CTIF: variants seen among roughly 807,000 people sequenced by gnomAD.
CTIF encodes the protein cap binding complex dependent translation initiation factor.
In CTIF, 21 loss-of-function variants were observed where a neutral mutation model predicts 66.0. The observed-to-expected ratio is 0.32, with a 90% CI of 0.23 to 0.46. The LOEUF (loss-of-function observed/expected upper bound fraction) is 0.46, where lower values mean the gene tolerates loss of function less well. Ranked by LOEUF, CTIF falls within the 20% of genes least tolerant of loss-of-function variation. The pLI is 1.00. For synonymous variants in CTIF, 345 were observed against 326.4 expected (o/e 1.06, Z -0.62); for missense variants, 739 against 812.7 (o/e 0.91, Z 1.10).
chr18:48,686,733 C>G (rs868116085), intron 6 of CTIF, among the ~76,000 whole-genome samples: 4 of 152,154 alleles, frequency 2.6e-5, no homozygotes, highest in Non-Finnish European at 5.9e-5. Flanking sequence ...TCTGCTGTTT[C>G]CTGCCAACAC....
chr18:48,616,360 G>A (rs556560415), intron 1 of CTIF, among the ~76,000 whole-genome samples: 4 of 152,316 alleles, frequency 2.6e-5, no homozygotes, highest in South Asian at 2.1e-4. Context: ...CCAGCTCTCC[G>A]GAACCTGTGC....
At chr18:48,629,436 A>T (rs1012812504) in intron 2 of CTIF, among the ~76,000 whole-genome samples, 1 of 152,172 alleles carries the variant, frequency 6.6e-6, no homozygotes, top group Non-Finnish European at 1.5e-5. Context: ...TATATAATTT[A>T]TACATATAAT....
At chr18:48,572,124 C>T (rs1018016586) in intron 1 of CTIF, among the ~76,000 whole-genome samples, 3 of 151,998 alleles carry the variant, frequency 2.0e-5, no homozygotes, top group African/African-American at 4.8e-5. Flanking sequence ...CTCCTTTCTC[C>T]TTCCTCTTTC....
At chr18:48,858,660 A>G (rs2069384862) in intron 11 of CTIF, among the ~76,000 whole-genome samples, 1 of 152,070 alleles carries the variant, frequency 6.6e-6, no homozygotes, top group Non-Finnish European at 1.5e-5. Flanking sequence ...GGCACTGGCC[A>G]GGGGTGTGCT....
intron 10 of CTIF, among the ~76,000 whole-genome samples, chr18:48,841,283 G>A (rs566576439): frequency 3.2e-4 from 49 of 152,314 alleles, no homozygotes; most frequent in South Asian, 2.1e-3. Flanking sequence ...TGGCTGGAGC[G>A]GCCCCTGGGC....
chr18:48,806,539 G>A (rs1353301956), intron 9 of CTIF, among the ~76,000 whole-genome samples: 4 of 152,180 alleles, frequency 2.6e-5, no homozygotes, highest in African/African-American at 9.7e-5. Flanking sequence ...CGAAATGAAG[G>A]TGAGTTTGCA....
intron 7 of CTIF, among the ~76,000 whole-genome samples, chr18:48,748,314 C>A (rs1195135664): frequency 6.6e-6 from 1 of 151,860 alleles, no homozygotes; most frequent in African/African-American, 2.4e-5. Context: ...AGGTGGGGGC[C>A]ACTCAGTGTT....
chr18:48,806,723 T>C (rs1386320388), intron 9 of CTIF, among the ~76,000 whole-genome samples: 2 of 152,212 alleles, frequency 1.3e-5, no homozygotes, highest in South Asian at 4.1e-4. Context: ...CAGCTGTTTT[T>C]GGCTTGGCCA....
At chr18:48,626,877 G>A (rs2090614647) in intron 2 of CTIF, among the ~76,000 whole-genome samples, 1 of 151,424 alleles carries the variant, frequency 6.6e-6, no homozygotes, top group African/African-American at 2.4e-5. Flanking sequence ...GACTTGTCTT[G>A]AACTCCTGAC....
intron 9 of CTIF, among the ~76,000 whole-genome samples, chr18:48,801,325 G>A (rs773294076): frequency 1.3e-5 from 2 of 152,210 alleles, no homozygotes; most frequent in Admixed American, 6.5e-5. Context: ...TTTCACAGAC[G>A]CAAACGTTGG....
intron 7 of CTIF, among the ~76,000 whole-genome samples, chr18:48,749,164 G>A (rs1392535443): frequency 6.6e-6 from 1 of 152,230 alleles, no homozygotes; most frequent in African/African-American, 2.4e-5. Flanking sequence ...CAAGGAAAGA[G>A]TGACTTCCGG....
intron 7 of CTIF, among the ~76,000 whole-genome samples, chr18:48,747,122 T>C (rs8094458): frequency 0.19 from 28,244 of 152,132 alleles, 2,852 homozygotes; most frequent in Non-Finnish European, 0.22. Context: ...GATTTTAGGA[T>C]TGCAAAGGAA....
chr18:48,540,310 G>A (rs1343230568), intron 1 of CTIF: 1 of 150,656 alleles, frequency 6.6e-6, no homozygotes, highest in Non-Finnish European at 1.5e-5. Context: ...GGTGGGCTCC[G>A]GCTCGGGTTC....
chr18:48,642,440 T>C (rs775791818), intron 3 of CTIF, among the ~76,000 whole-genome samples: 1 of 152,124 alleles, frequency 6.6e-6, no homozygotes, highest in Non-Finnish European at 1.5e-5. Flanking sequence ...GAAGACATGA[T>C]GTTAGCAAAG....
chr18:48,688,119 G>C (rs2091872206), intron 6 of CTIF: 1 of 152,222 alleles, frequency 6.6e-6, no homozygotes, highest in South Asian at 2.1e-4. Flanking sequence ...TTGCATCTTA[G>C]TGATAAAGAG....
intron 6 of CTIF, among the ~76,000 whole-genome samples, chr18:48,690,086 G>T (rs550189777): frequency 6.6e-6 from 1 of 152,276 alleles, no homozygotes; most frequent in African/African-American, 2.4e-5. Flanking sequence ...AAGAAGGTAG[G>T]ATTCCTCAGA....
intron 7 of CTIF, among the ~76,000 whole-genome samples, chr18:48,741,284 C>T (rs918300625): frequency 6.7e-6 from 1 of 148,974 alleles, no homozygotes; most frequent in Non-Finnish European, 1.5e-5. Context: ...GCCCCCGCCC[C>T]CCCTCCTTGG....
chr18:48,585,855 G>C (rs183028737), intron 1 of CTIF, among the ~76,000 whole-genome samples: 104 of 152,296 alleles, frequency 6.8e-4, no homozygotes, highest in African/African-American at 2.4e-3. Flanking sequence ...ACTCACAGAT[G>C]TGCCTCCCTT....
At chr18:48,777,477 C>A (rs1432071950) in intron 9 of CTIF, among the ~76,000 whole-genome samples, 1 of 152,184 alleles carries the variant, frequency 6.6e-6, no homozygotes, top group Non-Finnish European at 1.5e-5. Context: ...CCCCTCCAGA[C>A]CTCCAAAACG....
Sources: allele counts gnomAD v4.1 joint callset (sites outside exome capture counted in the v4.1 genomes callset), GRCh38; gene constraint gnomAD v4.1.1; transcripts MANE v1.5; gene names NCBI Gene and HGNC (gene_info 2026-07-23, HGNC 2026-07-21).